The following SLC24A4 variants were observed in gnomAD, a reference collection of about 807,000 sequenced individuals.
SLC24A4 encodes the protein sodium/potassium/calcium exchanger 4.
SLC24A4 carries 53 observed loss-of-function variants against 79.0 expected under a neutral mutation model. That is an observed-to-expected ratio of 0.67 (90% CI 0.54 to 0.84). The LOEUF (loss-of-function observed/expected upper bound fraction) is 0.84. Ranked by LOEUF, SLC24A4 falls within the 40% of genes least tolerant of loss-of-function variation. The probability of loss-of-function intolerance (pLI) is 0.00; values close to 1 mark genes in which losing one functional copy is unlikely to be tolerated. For missense variants in SLC24A4, 731 were observed against 822.0 expected, an observed-to-expected ratio of 0.89 and a Z score of 1.35; for synonymous variants, 323 against 323.8, an observed-to-expected ratio of 1.00 and a Z score of 0.03.
chr14:92,426,823 T>G (rs190027773), intron 2 of SLC24A4, among the ~76,000 whole-genome samples: 1 of 152,308 alleles, frequency 6.6e-6, no homozygotes, highest in East Asian at 1.9e-4. Context: ...CTAAAACATA[T>G]ACCTTATATA....
At position 92,404,516 on chromosome 14, in the gene SLC24A4, TCTTC is replaced by T. The variant is rs572571639; in HGVS notation, c.242-29392_242-29389del. On this transcript the variant is annotated intron_variant, in intron 2 of 16. Transcript: ENST00000532405. ...GGCAGGAGATGTAGACTGCTGGGCCTCTTCCTTTTCTCCAACACAGCAGCATGTC... is the reference window on the plus strand; with the variant it reads ...GGCAGGAGATGTAGACTGCTGGGCCTCTTTTCTCCAACACAGCAGCATGTC... 3.1e-3 allele frequency among the ~76,000 whole-genome samples: 474 copies of T among 152,284 alleles called. 1 individual carries two copies. The highest frequency in any genetic ancestry group is 0.011 in the African/African-American group (454 of 41,568).
chr14:92,361,084 C>T (rs1181194835), intron 2 of SLC24A4, among the ~76,000 whole-genome samples: 1 of 152,190 alleles, frequency 6.6e-6, no homozygotes, highest in East Asian at 1.9e-4. Context: ...AGGTAGACAA[C>T]AGGAGGATCT....
chr14:92,432,423 GTTT>G (rs2139786412), intron 2 of SLC24A4, among the ~76,000 whole-genome samples: 1 of 152,324 alleles, frequency 6.6e-6, no homozygotes, highest in Non-Finnish European at 1.5e-5. Context: ...CAAAACCCTG[GTTT>G]GGAGAATCAG....
chr14:92,383,729 G>C (rs113999994), intron 2 of SLC24A4, among the ~76,000 whole-genome samples: 2 of 152,154 alleles, frequency 1.3e-5, no homozygotes, highest in Admixed American at 1.3e-4. Context: ...GACCGTGAGC[G>C]TATGAATGTT....
intron 7 of SLC24A4, among the ~76,000 whole-genome samples, chr14:92,443,932 C>T (rs1892646184): frequency 6.6e-6 from 1 of 152,164 alleles, no homozygotes; most frequent in Non-Finnish European, 1.5e-5. Flanking sequence ...GCGGGCTTCC[C>T]TCAGAGCGAG....
rs887554857 is a variant in SLC24A4 at position 92,499,950 on chromosome 14, C to T, written c.*6322C>T. On this transcript the variant is annotated 3_prime_UTR_variant, in exon 17 of 17. Coordinates refer to ENST00000532405, the MANE Select transcript of SLC24A4 (RefSeq NM_153646.4). ...CGCCTCCCGGGTTCATGCCATTCTCCTGCCTCAGCCTCCCGAGTAGCTGGG... is the reference window on the plus strand; with the variant it reads ...CGCCTCCCGGGTTCATGCCATTCTCTTGCCTCAGCCTCCCGAGTAGCTGGG... The T allele has an allele frequency of 5.9e-5, 9 of 152,014 alleles. No individual in the cohort carries two copies. Among genetic ancestry groups the T allele is most frequent in the Non-Finnish European group, 1.3e-4 (9 of 68,066 alleles). 9.4% of individuals were successfully genotyped at this position (152,014 alleles called of 1,614,324 possible).
chr14:92,342,262 CCTGGGGACCTAGTTAAAATGCAG>C (rs1395273083), intron 2 of SLC24A4, among the ~76,000 whole-genome samples: 54 of 151,176 alleles, frequency 3.6e-4, no homozygotes, highest in African/African-American at 1.2e-3. Flanking sequence ...CACATGGTCA[CCTGGGGACCTAGTTAAAATGCAG>C]ATACAGGAGG....
At chr14:92,330,739 G>C (rs1885428328) in intron 2 of SLC24A4, among the ~76,000 whole-genome samples, 2 of 152,206 alleles carry the variant, frequency 1.3e-5, no homozygotes, top group South Asian at 4.1e-4. Flanking sequence ...GTGGCAGAGA[G>C]AGACAGCACA....
At position 92,323,698 on chromosome 14, in the gene SLC24A4, G is replaced by A. The variant is rs1248252884; in HGVS notation, c.-133G>A. 4 of 1,193,660 alleles carry A rather than the reference G, an allele frequency of 3.4e-6. No individual in the cohort carries two copies. The highest frequency in any genetic ancestry group is 2.9e-4 in the Middle Eastern group (1 of 3,464). The allele number at this position is 1,193,660 out of a possible 1,614,324, so 73.9% of individuals were successfully genotyped here. A position where few individuals can be genotyped will look rare whatever the true frequency, so the allele number is the denominator to read the frequency against. On this transcript the variant is annotated 5_prime_UTR_variant, in exon 1 of 17. Coordinates refer to ENST00000532405, the MANE Select transcript of SLC24A4 (RefSeq NM_153646.4). This position sits in a 1 kb window ranked among gnomAD's most constrained non-coding sequence, Gnocchi z 4.9. ...GCCGACCTCGCCCTCGGGCCATGAG[G>A]CTTTGGCCCGGAGCTCCTCGCCTCT...
chr14:92,336,385 G>A (rs1885804434), intron 2 of SLC24A4, among the ~76,000 whole-genome samples: 1 of 152,218 alleles, frequency 6.6e-6, no homozygotes, highest in African/African-American at 2.4e-5. Flanking sequence ...TGAAAAAGCA[G>A]TGGATGTCCT....
intron 2 of SLC24A4, among the ~76,000 whole-genome samples, chr14:92,367,065 G>C (rs1437447182): frequency 6.6e-6 from 1 of 152,142 alleles, no homozygotes; most frequent in Non-Finnish European, 1.5e-5. Context: ...GGACACCCCG[G>C]GTACCATCCA....
intron 2 of SLC24A4, among the ~76,000 whole-genome samples, chr14:92,354,168 C>CT (rs111511708): frequency 0.028 from 4,051 of 142,480 alleles, 165 homozygotes; most frequent in African/African-American, 0.087. Flanking sequence ...TTACTGACTA[C>CT]TTTTTTTTTT....
chr14:92,462,169 G>A (rs561332413), intron 12 of SLC24A4: 1 of 152,298 alleles, frequency 6.6e-6, no homozygotes, highest in Non-Finnish European at 1.5e-5. Context: ...GGTCCAGCCG[G>A]GAGCAGAGTC....
chr14:92,431,643 C>T (rs191618307), intron 2 of SLC24A4, among the ~76,000 whole-genome samples: 18 of 152,292 alleles, frequency 1.2e-4, no homozygotes, highest in East Asian at 5.8e-4. Flanking sequence ...CAGGGCATGC[C>T]GCACATAATA....
chr14:92,332,293 A>C (rs1268691844), intron 2 of SLC24A4, among the ~76,000 whole-genome samples: 1 of 152,094 alleles, frequency 6.6e-6, no homozygotes, highest in African/African-American at 2.4e-5. Context: ...AAAAAACAAA[A>C]AACAAAAAAC....
At chr14:92,442,613 T>G in intron 5 of SLC24A4, 100 bp from the exon 6 acceptor site, 1 of 810,608 alleles carries the variant, frequency 1.2e-6, no homozygotes, top group Non-Finnish European at 2.1e-6. Context: ...GCTCTGTTTG[T>G]TAGTAAAGCA....
Position 92,441,419 on chromosome 14 carries a change from G to T in SLC24A4, c.394-670G>T, listed in dbSNP as rs945123635. ...CCTGTCCCGTGCCAGCTTAACCCTG[G>T]AACCAGTACCTCTGGGTCTTTGTGA... On this transcript the variant is annotated intron_variant, in intron 4 of 16. Coordinates refer to ENST00000532405, the MANE Select transcript of SLC24A4 (RefSeq NM_153646.4). This position sits in a 1 kb window ranked among gnomAD's most constrained non-coding sequence, Gnocchi z 4.6. 3.9e-5 allele frequency among the ~76,000 whole-genome samples: 6 copies of T among 152,214 alleles called. No homozygotes were observed. The highest frequency in any genetic ancestry group is 1.4e-4 in the African/African-American group (6 of 41,442).
At chr14:92,446,174 ATGT>A (rs1450545974) in intron 8 of SLC24A4, among the ~76,000 whole-genome samples, 6 of 58,644 alleles carry the variant, frequency 1.0e-4, no homozygotes, top group African/African-American at 4.3e-4. Flanking sequence ...CGTGCATTCT[ATGT>A]TTTTTTTTTT....
At chr14:92,324,018 C>T in intron 1 of SLC24A4, 58 bp downstream of exon 1, 1 of 1,566,250 alleles carries the variant, frequency 6.4e-7, no homozygotes, top group South Asian at 1.2e-5. Context: ...GCTGGGGAGT[C>T]TCGGGGCGGC....
Sources: allele counts gnomAD v4.1 joint callset (sites outside exome capture counted in the v4.1 genomes callset), GRCh38; gene constraint gnomAD v4.1.1; non-coding constraint Gnocchi (gnomAD v3.1); transcripts MANE v1.5; gene names NCBI Gene and HGNC (gene_info 2026-07-23, HGNC 2026-07-21).